The following HERC3 variants were observed in gnomAD, a reference collection of about 807,000 sequenced individuals.
HERC3 encodes the protein probable E3 ubiquitin-protein ligase HERC3.
Under a neutral mutation model 129.9 loss-of-function variants are expected in HERC3, and 58 were observed. The ratio of observed to expected loss-of-function variants is 0.45; its 90% CI spans 0.36 to 0.56. The LOEUF (loss-of-function observed/expected upper bound fraction) is 0.56, where lower values mean the gene tolerates loss of function less well. Ranked by LOEUF, HERC3 falls within the 20% of genes least tolerant of loss-of-function variation. The probability of loss-of-function intolerance (pLI) is 0.00; values close to 1 mark genes in which losing one functional copy is unlikely to be tolerated. For missense variants in HERC3, 835 were observed against 1,244.2 expected (o/e 0.67, Z 4.95); for synonymous variants, 430 against 451.0 (o/e 0.95, Z 0.59).
upstream of HERC3, among the ~76,000 whole-genome samples, chr4:88,590,002 T>C (rs1454076406): frequency 2.6e-5 from 4 of 152,156 alleles, no homozygotes; most frequent in African/African-American, 9.7e-5. Flanking sequence ...GCACGGAGGC[T>C]CACGCCTGTA....
intron 16 of HERC3, among the ~76,000 whole-genome samples, chr4:88,673,304 T>G (rs1274937518): frequency 6.6e-6 from 1 of 152,208 alleles, no homozygotes; most frequent in South Asian, 2.1e-4. Context: ...GAGGCTGTAT[T>G]TCTTCTCCAG....
the HERC3 span, among the ~76,000 whole-genome samples, chr4:88,551,413 C>CAAGG: frequency 6.7e-6 from 1 of 148,442 alleles, no homozygotes; most frequent in African/African-American, 2.5e-5. Flanking sequence ...CCAGAATCTA[C>CAAGG]AATGAACTCA....
chr4:88,688,950 G>T (rs528067027), intron 23 of HERC3, among the ~76,000 whole-genome samples: 4 of 152,182 alleles, frequency 2.6e-5, no homozygotes, highest in Admixed American at 2.6e-4. Flanking sequence ...CGGGTAGGGG[G>T]TGGGAAAGGT....
At chr4:88,571,040 G>T in the HERC3 span, among the ~76,000 whole-genome samples, 32 of 152,070 alleles carry the variant, frequency 2.1e-4, no homozygotes, top group African/African-American at 7.2e-4. Flanking sequence ...TTACAGGTGT[G>T]AGCCACCGTG....
the HERC3 span, chr4:88,527,167 C>A: frequency 6.6e-6 from 1 of 152,178 alleles, no homozygotes; most frequent in Non-Finnish European, 1.5e-5. Context: ...AGCATGGGCA[C>A]AAGTAGCTTG....
intron 3 of HERC3, among the ~76,000 whole-genome samples, chr4:88,647,717 A>T (rs769399716): frequency 6.6e-6 from 1 of 151,592 alleles, no homozygotes; most frequent in Non-Finnish European, 1.5e-5. Context: ...GAAGGAATAT[A>T]TTTATGCAAA....
chr4:88,606,498 A>G (rs1723652498), intron 3 of HERC3, among the ~76,000 whole-genome samples: 1 of 152,152 alleles, frequency 6.6e-6, no homozygotes, highest in Admixed American at 6.5e-5. Context: ...GAGTTAGAAT[A>G]AAATAGATTT....
chr4:88,553,917 G>A, the HERC3 span, among the ~76,000 whole-genome samples: 2 of 152,188 alleles, frequency 1.3e-5, no homozygotes, highest in Non-Finnish European at 2.9e-5. Context: ...CAGAGATCGC[G>A]CCACTGCACT....
At chr4:88,575,466 T>C in the HERC3 span, among the ~76,000 whole-genome samples, 4 of 152,172 alleles carry the variant, frequency 2.6e-5, no homozygotes, top group African/African-American at 7.2e-5. Context: ...CCATCTAAAA[T>C]AGAAGTCAGT....
chr4:88,660,206 ATT>A (rs551134204), intron 10 of HERC3, among the ~76,000 whole-genome samples: 5 of 145,388 alleles, frequency 3.4e-5, no homozygotes, highest in African/African-American at 7.5e-5. Context: ...TACAGCCTCT[ATT>A]TTTTTTTTTT....
chr4:88,679,012 T>C (rs775514425), intron 19 of HERC3, among the ~76,000 whole-genome samples: 5 of 152,208 alleles, frequency 3.3e-5, no homozygotes, highest in Non-Finnish European at 4.4e-5. Context: ...CCAGTCTCTG[T>C]CCCATTTTTA....
intron 3 of HERC3, among the ~76,000 whole-genome samples, chr4:88,647,760 C>T (rs1728851772): frequency 1.3e-5 from 2 of 151,030 alleles, no homozygotes; most frequent in Admixed American, 1.3e-4. Flanking sequence ...TTCCCTGCCT[C>T]ACCTGTCCTT....
At chr4:88,626,844 G>A (rs1050015442) in intron 3 of HERC3, among the ~76,000 whole-genome samples, 1 of 151,824 alleles carries the variant, frequency 6.6e-6, no homozygotes, top group Admixed American at 6.6e-5. Flanking sequence ...TAAATAATAA[G>A]TTTTTGGTTT....
At chr4:88,596,201 T>G (rs1018210193) in intron 2 of HERC3, among the ~76,000 whole-genome samples, 2 of 152,188 alleles carry the variant, frequency 1.3e-5, no homozygotes, top group African/African-American at 2.4e-5. Context: ...AGGCCTTAGC[T>G]GCCATTAAAA....
intron 12 of HERC3, among the ~76,000 whole-genome samples, chr4:88,666,134 G>T (rs1198008572): frequency 6.6e-6 from 1 of 152,168 alleles, no homozygotes; most frequent in Non-Finnish European, 1.5e-5. Flanking sequence ...TGACATTTGG[G>T]AAGGGCTCTT....
At chr4:88,615,918 C>T (rs903078037) in intron 3 of HERC3, among the ~76,000 whole-genome samples, 2 of 152,162 alleles carry the variant, frequency 1.3e-5, no homozygotes, top group Non-Finnish European at 2.9e-5. Context: ...CTTTTCATTA[C>T]AATTGTTTTT....
intron 14 of HERC3, among the ~76,000 whole-genome samples, chr4:88,669,133 G>A (rs1731348004): frequency 6.6e-6 from 1 of 152,108 alleles, no homozygotes; most frequent in Non-Finnish European, 1.5e-5. Flanking sequence ...ATACCCCAAA[G>A]TAGAGAGTAT....
At chr4:88,541,670 T>C in the HERC3 span, among the ~76,000 whole-genome samples, 2 of 152,328 alleles carry the variant, frequency 1.3e-5, no homozygotes, top group Admixed American at 6.5e-5. Flanking sequence ...ATCGCACTTA[T>C]TCTAAAATTG....
chr4:88,609,340 G>A (rs1724036321), intron 3 of HERC3, among the ~76,000 whole-genome samples: 1 of 152,010 alleles, frequency 6.6e-6, no homozygotes, highest in Non-Finnish European at 1.5e-5. Flanking sequence ...AATAAAAATG[G>A]GGATTATAAT....
Sources: gnomAD v4.1 joint callset for allele counts (sites outside exome capture counted in the v4.1 genomes callset) on GRCh38, gnomAD v4.1.1 for gene constraint, MANE v1.5 for transcripts, NCBI Gene and HGNC (gene_info 2026-07-23, HGNC 2026-07-21) for gene names.